The following IRF6 variants were observed in gnomAD, a reference collection of about 807,000 sequenced individuals.
IRF6 encodes the protein interferon regulatory factor 6.
IRF6 carries 6 observed loss-of-function variants against 51.4 expected under a neutral mutation model. The ratio of observed to expected loss-of-function variants is 0.12; its 90% CI spans 0.06 to 0.23. The LOEUF is 0.23. Ranked by LOEUF, IRF6 falls within the 10% of genes least tolerant of loss-of-function variation. The pLI is 1.00. For missense variants in IRF6, 348 were observed against 585.2 expected, an observed-to-expected ratio of 0.59 and a Z score of 4.18; for synonymous variants, 178 against 215.7, an observed-to-expected ratio of 0.83 and a Z score of 1.53.
In IRF6 at chr1:209,790,219, G is replaced by A. The variant is rs148344534; in HGVS notation, c.1060+276C>T. 7.9e-5 allele frequency among the ~76,000 whole-genome samples: 12 copies of A among 152,358 alleles called. No individual in the cohort carries two copies. The highest frequency in any genetic ancestry group is 2.9e-4 in the African/African-American group (12 of 41,582). On this transcript the variant is annotated intron_variant, in intron 7 of 8. Coordinates refer to ENST00000367021, the MANE Select transcript of IRF6 (RefSeq NM_006147.4). The surrounding 1 kb of genome is among the most constrained non-coding windows in gnomAD (Gnocchi z 4.8). ...ACGCTGGTAACATTTGAGGTGTAAT[G>A]ACAGGGCTGTCTCCCTCTTCTGCCA...
At chr1:209,801,189 A>C (rs1211046325) in intron 3 of IRF6, 51 bp downstream of exon 3, 1 of 1,429,694 alleles carries the variant, frequency 7.0e-7, no homozygotes, top group Non-Finnish European at 9.4e-7. Context: ...ATGCCAAAAA[A>C]AAAAAAAAAA....
intron 3 of IRF6, among the ~76,000 whole-genome samples, chr1:209,798,754 C>G (rs1040747478): frequency 2.0e-5 from 3 of 151,858 alleles, no homozygotes; most frequent in African/African-American, 7.3e-5. Flanking sequence ...ACTAAAAATA[C>G]AAAAATTATC....
chr1:209,790,042 T>A lies in IRF6; in HGVS notation c.1061-257A>T, dbSNP rs2102536315. Among the ~76,000 whole-genome samples, 1 of 152,242 alleles carries A rather than the reference T, an allele frequency of 6.6e-6. No individual in the cohort carries two copies. The highest frequency in any genetic ancestry group is 1.9e-4 in the East Asian group (1 of 5,198). On this transcript the variant is annotated intron_variant, in intron 7 of 8. Coordinates refer to ENST00000367021, the MANE Select transcript of IRF6 (RefSeq NM_006147.4). The surrounding 1 kb of genome is among the most constrained non-coding windows in gnomAD (Gnocchi z 4.8). ...AGAGGGTTCTCTTGGACATCATTGA[T>A]CATGACTTGCAGTTCAAACCACATT...
At chr1:209,788,915 A>T (rs2077851039) in intron 8 of IRF6, among the ~76,000 whole-genome samples, 1 of 152,248 alleles carries the variant, frequency 6.6e-6, no homozygotes, top group Admixed American at 6.5e-5. Context: ...TTTTTACAAA[A>T]TATCATCTAT....
intron 4 of IRF6, among the ~76,000 whole-genome samples, chr1:209,795,838 T>A (rs627212): frequency 0.8 from 121,477 of 152,032 alleles, 48,527 homozygotes; most frequent in Admixed American, 0.83. Context: ...AATTAAAAAA[T>A]TTTTTTAACA....
Position 209,790,402 on chromosome 1 carries a change from C to T in IRF6, c.1060+93G>A. 6.9e-7 allele frequency: 1 copy of T among 1,447,838 alleles called. No homozygotes were observed. Among genetic ancestry groups the T allele is most frequent in the South Asian group, 1.2e-5 (1 of 86,148 alleles). 89.7% of individuals were successfully genotyped at this position (1,447,838 alleles called of 1,614,324 possible). A position where few individuals can be genotyped will look rare whatever the true frequency, so the allele number is the denominator to read the frequency against. ...TAAATTTTTTAAGATCTTTGCCATG[C>T]CAGGAAAGCAGGAAGGTGAAAGACA... On this transcript the variant is annotated intron_variant, in intron 7 of 8. Coordinates refer to ENST00000367021, the MANE Select transcript of IRF6 (RefSeq NM_006147.4). This position sits in a 1 kb window ranked among gnomAD's most constrained non-coding sequence, Gnocchi z 4.8.
chr1:209,792,982 T>G (rs1029884043), intron 5 of IRF6, among the ~76,000 whole-genome samples: 1 of 152,216 alleles, frequency 6.6e-6, no homozygotes, highest in African/African-American at 2.4e-5. Flanking sequence ...CTGATTTACC[T>G]TTTTGTACCA....
intron 5 of IRF6, among the ~76,000 whole-genome samples, chr1:209,793,754 T>C (rs1462278398): frequency 1.3e-5 from 2 of 152,198 alleles, no homozygotes; most frequent in African/African-American, 4.8e-5. Context: ...CAGTGTCTAT[T>C]GTTCCCTTCT....
chr1:209,801,679 AT>A (rs2077944434), intron 2 of IRF6, among the ~76,000 whole-genome samples: 1 of 152,240 alleles, frequency 6.6e-6, no homozygotes, highest in Admixed American at 6.5e-5. Context: ...TTCTATTTAA[AT>A]CCTGAAGCAG....
intron 7 of IRF6, 34 bp from the exon 8 acceptor site, chr1:209,789,819 G>T: frequency 7.1e-7 from 1 of 1,406,988 alleles, no homozygotes; most frequent in Non-Finnish European, 1.0e-6. Flanking sequence ...TTGGTATACT[G>T]GGTCATTCCA....
rs1472572967 is a variant in IRF6, at chr1:209,796,707, C to G, written c.175-155G>C. Among the ~76,000 whole-genome samples, 1 of 151,516 alleles carries G rather than the reference C, an allele frequency of 6.6e-6. No homozygotes were observed. ...TTGCATGACTGCCCCATCATCCCAA[C>G]CCCGATTTACAGAGACTGCAGCAGG... On this transcript the variant is annotated intron_variant, in intron 3 of 8. Transcript: ENST00000367021. The surrounding 1 kb of genome is among the most constrained non-coding windows in gnomAD (Gnocchi z 4.5).
intron 5 of IRF6, chr1:209,792,848 C>G (rs112176755): frequency 5.8e-4 from 129 of 223,892 alleles, no homozygotes; most frequent in Middle Eastern, 1.8e-3. Flanking sequence ...ATACCTTTAA[C>G]AACAAACAAA....
At chr1:209,792,602 C>T (rs958288947) in intron 5 of IRF6, 175 bp from the exon 6 acceptor site, 4 of 640,964 alleles carry the variant, frequency 6.2e-6, no homozygotes, top group African/African-American at 5.5e-5. Context: ...ATAAGGTTCC[C>T]CTGCTCCTGC....
intron 5 of IRF6, among the ~76,000 whole-genome samples, chr1:209,794,502 C>T (rs2077888951): frequency 6.6e-6 from 1 of 152,318 alleles, no homozygotes; most frequent in African/African-American, 2.4e-5. Context: ...AATAAATCAT[C>T]TTGTTATCCT....
Position 209,790,444 on chromosome 1 carries a change from T to C in IRF6, c.1060+51A>G, listed in dbSNP as rs554242301. 3 of 1,582,410 alleles carry C rather than the reference T, an allele frequency of 1.9e-6. No homozygotes were observed. In the South Asian group the frequency reaches 3.3e-5, roughly 18 times the overall value. ...TGAAAGACAGGGATAGTGGAAGGAA[T>C]GTACTTCCAGAGAGTGATTCCCACG... On this transcript the variant is annotated intron_variant, in intron 7 of 8. Transcript: ENST00000367021. The surrounding 1 kb of genome is among the most constrained non-coding windows in gnomAD (Gnocchi z 4.8).
rs1021787262 is a variant in IRF6 at position 209,786,921 on chromosome 1, T to C, written c.*1499A>G. ...CTTACTATGTCCCGACACAGACAGATAGGCATCACTATTCAAGAGGACTGG... is the reference window on the plus strand; with the variant it reads ...CTTACTATGTCCCGACACAGACAGACAGGCATCACTATTCAAGAGGACTGG... On this transcript the variant is annotated 3_prime_UTR_variant, in exon 9 of 9. Transcript: ENST00000367021. 1 of 152,218 alleles carries C rather than the reference T, an allele frequency of 6.6e-6. No individual in the cohort carries two copies. The highest frequency in any genetic ancestry group is 6.5e-5 in the Admixed American group (1 of 15,276). 9.4% of individuals were successfully genotyped at this position (152,218 alleles called of 1,614,324 possible).
At chr1:209,795,634 A>G (rs1294868826) in intron 4 of IRF6, among the ~76,000 whole-genome samples, 1 of 152,254 alleles carries the variant, frequency 6.6e-6, no homozygotes, top group Non-Finnish European at 1.5e-5. Context: ...TATCTAAATT[A>G]TCTGGCTGTT....
chr1:209,797,644 A>G (rs2077911395), intron 3 of IRF6, among the ~76,000 whole-genome samples: 1 of 152,182 alleles, frequency 6.6e-6, no homozygotes. Context: ...TTCCCCAGAC[A>G]AGAAGAAGTT....
rs1002222256 is a variant in IRF6, at chr1:209,796,208, G to A, written c.379+140C>T. On this transcript the variant is annotated intron_variant, in intron 4 of 8. Transcript: ENST00000367021. This position sits in a 1 kb window ranked among gnomAD's most constrained non-coding sequence, Gnocchi z 4.5. ...TGAGTCTGCATCTTTTGTTTTCTGG[G>A]TCCTTCCCAGAGAAAGGCTTTCTTG... 3.1e-5 allele frequency: 22 copies of A among 707,994 alleles called. No homozygotes were observed. The highest frequency in any genetic ancestry group is 5.2e-5 in the Non-Finnish European group (22 of 426,422). 43.9% of individuals were successfully genotyped at this position (707,994 alleles called of 1,614,324 possible).
Sources: allele counts gnomAD v4.1 joint callset (sites outside exome capture counted in the v4.1 genomes callset), GRCh38; gene constraint gnomAD v4.1.1; non-coding constraint Gnocchi (gnomAD v3.1); transcripts MANE v1.5; gene names NCBI Gene and HGNC (gene_info 2026-07-23, HGNC 2026-07-21).